ANKRD44: variants seen among roughly 807,000 people sequenced by gnomAD.
The protein encoded by ANKRD44 is ankyrin repeat domain 44.
A neutral mutation model predicts 116.0 loss-of-function variants in ANKRD44; 35 were observed. The observed-to-expected ratio is 0.30, with a 90% CI of 0.23 to 0.40. The LOEUF is 0.40. Among genes scored for constraint, ANKRD44 ranks in the 10% least tolerant of loss-of-function variants. ANKRD44 has a pLI of 1.00. For missense variants in ANKRD44, 1,014 were observed against 1,242.6 expected (o/e 0.82, Z 2.77); for synonymous variants, 435 against 461.8 (o/e 0.94, Z 0.74).
intron 1 of ANKRD44, among the ~76,000 whole-genome samples, chr2:197,277,744 T>C (rs547613169): frequency 9.9e-5 from 15 of 152,188 alleles, no homozygotes; most frequent in East Asian, 3.9e-4. Context: ...TTTCAAGACA[T>C]AGAATTTCTA....
At chr2:197,126,292 T>A (rs1228148482) in intron 4 of ANKRD44, among the ~76,000 whole-genome samples, 1 of 152,238 alleles carries the variant, frequency 6.6e-6, no homozygotes, top group Non-Finnish European at 1.5e-5. Context: ...TCTAAGTATA[T>A]GATGATGTCC....
intron 1 of ANKRD44, among the ~76,000 whole-genome samples, chr2:197,233,373 C>T (rs141038917): frequency 0.031 from 4,780 of 152,132 alleles, 106 homozygotes; most frequent in South Asian, 0.074. Context: ...GTCTCTAACC[C>T]GGGTAGACCT....
intron 2 of ANKRD44, among the ~76,000 whole-genome samples, chr2:197,181,127 C>T (rs2080494239): frequency 6.6e-6 from 1 of 152,200 alleles, no homozygotes; most frequent in African/African-American, 2.4e-5. Context: ...ATTCACAAAG[C>T]ATCCCATTTT....
chr2:197,220,408 T>C (rs556381384), intron 1 of ANKRD44, among the ~76,000 whole-genome samples: 6 of 152,240 alleles, frequency 3.9e-5, no homozygotes, highest in Non-Finnish European at 7.3e-5. Context: ...GGAAAGGTTT[T>C]TCTTATTTCT....
In ANKRD44 at chr2:196,990,516, T is replaced by G. The variant is rs1241770211; in HGVS notation, c.2924-867A>C. On this transcript the variant is annotated intron_variant, in intron 27 of 27. Transcript: ENST00000282272. The stretch of plus-strand genomic sequence containing the variant: ...AAAACTGGGGCCATCTGTGTGACTG[T>G]TCCACCCAACAGCCTCACTGCCCTC... 17 of 1,227,814 alleles carry G rather than the reference T, an allele frequency of 1.4e-5. No individual in the cohort carries two copies. The East Asian group carries it at 5.1e-4, about 37-fold the overall frequency. 76.1% of individuals were successfully genotyped at this position (1,227,814 alleles called of 1,614,324 possible). A position where few individuals can be genotyped will look rare whatever the true frequency, so the allele number is the denominator to read the frequency against.
chr2:197,190,013 C>G (rs1229544843), intron 1 of ANKRD44, among the ~76,000 whole-genome samples: 2 of 152,216 alleles, frequency 1.3e-5, no homozygotes, highest in African/African-American at 4.8e-5. Context: ...GGCGCCAGCA[C>G]AGTCCTCAGC....
intron 1 of ANKRD44, among the ~76,000 whole-genome samples, chr2:197,216,554 T>C (rs2081446797): frequency 6.6e-6 from 1 of 152,160 alleles, no homozygotes; most frequent in African/African-American, 2.4e-5. Flanking sequence ...CTGGGTGCAT[T>C]ATCCAGGCTG....
chr2:197,071,723 T>C (rs2077563038), intron 16 of ANKRD44, among the ~76,000 whole-genome samples: 1 of 152,198 alleles, frequency 6.6e-6, no homozygotes, highest in Non-Finnish European at 1.5e-5. Context: ...GATTATGTTA[T>C]TGAGTTTTTC....
chr2:197,202,933 G>T (rs2081126220), intron 1 of ANKRD44, among the ~76,000 whole-genome samples: 1 of 151,426 alleles, frequency 6.6e-6, no homozygotes, highest in Admixed American at 6.6e-5. Context: ...ATGTTTTTTG[G>T]CTGGATTGCA....
In ANKRD44 at chr2:196,967,912, ACTCT is replaced by A. The variant is rs35734167; in HGVS notation, c.2369-470_2369-467del. The stretch of plus-strand genomic sequence containing the variant: ...TGGGGTGGATCCCTCATGGCTTGGC[ACTCT>A]CTCTCTCTCTCTCTCTCTCTCTCTC... On this transcript the variant is annotated intron_variant, in intron 21 of 21. Transcript: ENST00000424317. Among the ~76,000 whole-genome samples the A allele has an allele frequency of 1.3e-3, 177 of 140,946 alleles. 2 individuals are homozygous for A. The highest frequency in any genetic ancestry group is 7.2e-3 in the Middle Eastern group (2 of 276). The allele number at this position is 140,946 out of a possible 152,430, so 92.5% of individuals were successfully genotyped here. A position where few individuals can be genotyped will look rare whatever the true frequency, so the allele number is the denominator to read the frequency against.
chr2:196,967,301 C>CT (rs962789805), exon 22 of ANKRD44: 1 of 367,894 alleles, frequency 2.7e-6, no homozygotes, highest in Non-Finnish European at 5.9e-6. Context: ...CGGTTACTCC[C>CT]TTTCCCTTCC....
chr2:197,292,403 AT>A (rs1373599030), intron 1 of ANKRD44, among the ~76,000 whole-genome samples: 2 of 152,054 alleles, frequency 1.3e-5, no homozygotes, highest in Non-Finnish European at 2.9e-5. Context: ...TGTGGTTTTG[AT>A]TTGCATTTAT....
At chr2:197,236,286 T>A (rs2081975706) in intron 1 of ANKRD44, among the ~76,000 whole-genome samples, 1 of 152,104 alleles carries the variant, frequency 6.6e-6, no homozygotes, top group African/African-American at 2.4e-5. Flanking sequence ...ATGCCCTAGC[T>A]TCTAGTTAGA....
intron 16 of ANKRD44, among the ~76,000 whole-genome samples, chr2:197,056,099 C>A (rs768425857): frequency 2.6e-5 from 4 of 152,138 alleles, no homozygotes; most frequent in Non-Finnish European, 5.9e-5. Flanking sequence ...ATTGCCCAGG[C>A]TGGCCTCAAT....
chr2:196,995,509 A>G (rs1195260374), intron 25 of ANKRD44, 48 bp from the exon 26 acceptor site: 1 of 1,382,686 alleles, frequency 7.2e-7, no homozygotes, highest in African/African-American at 1.4e-5. Context: ...AGACACAGAA[A>G]AGTTACTGAG....
intron 1 of ANKRD44, among the ~76,000 whole-genome samples, chr2:197,245,230 A>G (rs2082166263): frequency 6.6e-6 from 1 of 152,242 alleles, no homozygotes; most frequent in African/African-American, 2.4e-5. Flanking sequence ...ACTGCACTCC[A>G]GCCTGGGCAA....
chr2:196,982,332 C>A (rs1023642773), downstream of ANKRD44, among the ~76,000 whole-genome samples: 2 of 151,866 alleles, frequency 1.3e-5, no homozygotes, highest in Non-Finnish European at 2.9e-5. Flanking sequence ...GCAGAGTGGG[C>A]GCTGGTGAGC....
rs562882370 is a variant in ANKRD44 at position 197,078,923 on chromosome 2, T to C, written c.1539-109A>G. 3 of 1,203,482 alleles carry C rather than the reference T, an allele frequency of 2.5e-6. No homozygotes were observed. The East Asian group carries it at 8.2e-5, about 33-fold the overall frequency. 74.6% of individuals were successfully genotyped at this position (1,203,482 alleles called of 1,614,324 possible). A position where few individuals can be genotyped will look rare whatever the true frequency, so the allele number is the denominator to read the frequency against. On this transcript the variant is annotated intron_variant, in intron 15 of 27. Coordinates refer to ENST00000282272, the MANE Select transcript of ANKRD44 (RefSeq NM_001195144.2). ...CGTTCCATGAAGTACTTTATGAGTTTGTTTCTTTAAAAATCCTACAGCAAT... is the reference window on the plus strand; with the variant it reads ...CGTTCCATGAAGTACTTTATGAGTTCGTTTCTTTAAAAATCCTACAGCAAT...
At chr2:197,146,529 C>T (rs1315225563) in intron 3 of ANKRD44, among the ~76,000 whole-genome samples, 15 of 151,488 alleles carry the variant, frequency 9.9e-5, no homozygotes, top group Non-Finnish European at 1.8e-4. Flanking sequence ...ATAGTGTATA[C>T]ATGCTATACA....
Sources: allele counts gnomAD v4.1 joint callset (sites outside exome capture counted in the v4.1 genomes callset), GRCh38; gene constraint gnomAD v4.1.1; transcripts MANE v1.5; gene names NCBI Gene and HGNC (gene_info 2026-07-23, HGNC 2026-07-21).